The following MAN1A2 variants were observed in gnomAD, a reference collection of about 807,000 sequenced individuals.
MAN1A2 encodes mannosidase alpha class 1A member 2, also known as mannosyl-oligosaccharide 1,2-alpha-mannosidase IB.
Under a neutral mutation model 75.7 loss-of-function variants are expected in MAN1A2, and 26 were observed. The ratio of observed to expected loss-of-function variants is 0.34; its 90% CI spans 0.25 to 0.48. The LOEUF is 0.48. Among genes scored for constraint, MAN1A2 ranks in the 20% least tolerant of loss-of-function variants. The probability of loss-of-function intolerance (pLI) is 0.99; values close to 1 mark genes in which losing one functional copy is unlikely to be tolerated. For synonymous variants in MAN1A2, 247 were observed against 264.6 expected, an observed-to-expected ratio of 0.93 and a Z score of 0.65; for missense variants, 562 against 775.5, an observed-to-expected ratio of 0.72 and a Z score of 3.27.
chr1:117,480,712 T>A (rs1650470147), intron 8 of MAN1A2, among the ~76,000 whole-genome samples: 1 of 151,856 alleles, frequency 6.6e-6, no homozygotes, highest in Non-Finnish European at 1.5e-5. Flanking sequence ...TACATCTTGT[T>A]TATATTTTTT....
chr1:117,368,950 T>G (rs1652864469), intron 1 of MAN1A2, among the ~76,000 whole-genome samples: 1 of 152,190 alleles, frequency 6.6e-6, no homozygotes, highest in African/African-American at 2.4e-5. Context: ...TGGCTTGTAG[T>G]TGAAGCTTAG....
At chr1:117,507,112 C>A (rs1651398556) in intron 12 of MAN1A2, among the ~76,000 whole-genome samples, 1 of 151,302 alleles carries the variant, frequency 6.6e-6, no homozygotes, top group East Asian at 1.9e-4. Context: ...AAGAAAATAT[C>A]CAAAAATAGA....
At chr1:117,458,467 G>A (rs1649672713) in intron 6 of MAN1A2, among the ~76,000 whole-genome samples, 1 of 139,410 alleles carries the variant, frequency 7.2e-6, no homozygotes, top group African/African-American at 2.7e-5. Flanking sequence ...CAGAATACAA[G>A]TGAATATAAG....
chr1:117,439,214 C>A (rs547292721), intron 5 of MAN1A2, among the ~76,000 whole-genome samples: 1 of 152,062 alleles, frequency 6.6e-6, no homozygotes, highest in Admixed American at 6.6e-5. Context: ...GGGGGTGAAG[C>A]CATAGAAGGT....
chr1:117,479,241 C>G (rs774000951), intron 8 of MAN1A2, among the ~76,000 whole-genome samples: 3 of 152,006 alleles, frequency 2.0e-5, no homozygotes, highest in Non-Finnish European at 4.4e-5. Context: ...CTAATGGCTT[C>G]CAGCTCCAGC....
At chr1:117,388,997 C>A (rs1420588629) in intron 1 of MAN1A2, among the ~76,000 whole-genome samples, 1 of 152,116 alleles carries the variant, frequency 6.6e-6, no homozygotes, top group East Asian at 1.9e-4. Flanking sequence ...CTGATGGTAG[C>A]TTTTGATGAA....
intron 3 of MAN1A2, among the ~76,000 whole-genome samples, chr1:117,413,233 G>T (rs2101769310): frequency 6.6e-6 from 1 of 151,988 alleles, no homozygotes; most frequent in Middle Eastern, 3.4e-3. Flanking sequence ...GAGTGTGTTG[G>T]AGTATTTGTC....
rs546263439 is a variant in MAN1A2 at position 117,482,621 on chromosome 1, T to C, written c.1169-10526T>C. ...TTTCTTGTAAATTTGTTTCAGTTAT[T>C]TGTAGATTCTGGATATTAGCCGCTT... On this transcript the variant is annotated intron_variant, in intron 8 of 12. Coordinates refer to ENST00000356554, the MANE Select transcript of MAN1A2 (RefSeq NM_006699.5). Among the ~76,000 whole-genome samples the C allele has an allele frequency of 2.0e-5, 3 of 152,160 alleles. No homozygotes were observed. In the East Asian group the frequency reaches 5.8e-4, roughly 29 times the overall value.
At chr1:117,467,308 G>GTAAT (rs1343064123) in intron 8 of MAN1A2, among the ~76,000 whole-genome samples, 2 of 152,136 alleles carry the variant, frequency 1.3e-5, no homozygotes, top group Non-Finnish European at 2.9e-5. Context: ...AGAGACAAAA[G>GTAAT]TAATGATCAT....
At chr1:117,369,457 C>T (rs932442896) in intron 1 of MAN1A2, among the ~76,000 whole-genome samples, 1 of 152,160 alleles carries the variant, frequency 6.6e-6, no homozygotes, top group African/African-American at 2.4e-5. Context: ...CATTTCCCAT[C>T]TGATGATAGT....
Position 117,367,955 on chromosome 1 carries a change from A to C in MAN1A2, c.-229A>C, listed in dbSNP as rs1294253062. 4 of 519,096 alleles carry C rather than the reference A, an allele frequency of 7.7e-6. No homozygotes were observed. The East Asian group carries it at 1.3e-4, about 16-fold the overall frequency. 32.2% of individuals were successfully genotyped at this position (519,096 alleles called of 1,614,324 possible). On this transcript the variant is annotated 5_prime_UTR_variant, in exon 1 of 13. Transcript: ENST00000356554. The stretch of plus-strand genomic sequence containing the variant: ...ATCCGATGAAGTACAGATGTTGAAG[A>C]GGATATCGCAGGACCTAAACTTGTG...
chr1:117,378,083 C>T (rs1375003883), intron 1 of MAN1A2, among the ~76,000 whole-genome samples: 7 of 152,072 alleles, frequency 4.6e-5, no homozygotes, highest in South Asian at 2.1e-4. Context: ...GCCTGGGCGA[C>T]GGAGTGAGAC....
intron 6 of MAN1A2, among the ~76,000 whole-genome samples, chr1:117,451,320 A>G (rs561383929): frequency 3.2e-4 from 48 of 152,368 alleles, no homozygotes; most frequent in Middle Eastern, 3.4e-3. Flanking sequence ...TAATGCCTGT[A>G]CACCCATTGT....
At chr1:117,387,726 A>C (rs984607932) in intron 1 of MAN1A2, among the ~76,000 whole-genome samples, 2 of 152,064 alleles carry the variant, frequency 1.3e-5, no homozygotes, top group African/African-American at 4.8e-5. Context: ...TAAGCAACAA[A>C]CATTATTTCC....
At chr1:117,510,472 A>G (rs1229755044) in intron 12 of MAN1A2, among the ~76,000 whole-genome samples, 1 of 152,054 alleles carries the variant, frequency 6.6e-6, no homozygotes, top group Non-Finnish European at 1.5e-5. Flanking sequence ...TAAATCACTT[A>G]AAACTTGTTT....
rs1232104241 is a variant in MAN1A2 at position 117,525,154 on chromosome 1, G to A, written c.*2197G>A. ...AGTGCTCTATTTGTATTACCCAGAT[G>A]ACTGAAGCTTAAGAGAAGGCAGGGA... On this transcript the variant is annotated 3_prime_UTR_variant, in exon 13 of 13. Transcript: ENST00000356554. 1 of 526,156 alleles carries A rather than the reference G, an allele frequency of 1.9e-6. No homozygotes were observed. Among genetic ancestry groups the A allele is most frequent in the Non-Finnish European group, 3.9e-6 (1 of 256,680 alleles). 32.6% of individuals were successfully genotyped at this position (526,156 alleles called of 1,614,324 possible).
intron 1 of MAN1A2, among the ~76,000 whole-genome samples, chr1:117,397,066 AC>A (rs137887215): frequency 0.12 from 18,245 of 151,936 alleles, 1,151 homozygotes; most frequent in Non-Finnish European, 0.14. Context: ...TCCTCTTGGA[AC>A]CCAGTTAATA....
intron 5 of MAN1A2, among the ~76,000 whole-genome samples, chr1:117,421,192 T>C (rs1381235747): frequency 6.6e-6 from 1 of 151,902 alleles, no homozygotes; most frequent in Non-Finnish European, 1.5e-5. Context: ...TTGAAATAGG[T>C]TAAAGAATGA....
chr1:117,520,078 A>G (rs749724083), intron 12 of MAN1A2, among the ~76,000 whole-genome samples: 3 of 152,086 alleles, frequency 2.0e-5, no homozygotes, highest in Non-Finnish European at 4.4e-5. Context: ...AAATCACATG[A>G]TCATCTCAAT....
Sources: gnomAD v4.1 joint callset for allele counts (sites outside exome capture counted in the v4.1 genomes callset) on GRCh38, gnomAD v4.1.1 for gene constraint, MANE v1.5 for transcripts, NCBI Gene and HGNC (gene_info 2026-07-23, HGNC 2026-07-21) for gene names.